Variants in PBK observed in about 807,000 individuals in gnomAD.
The protein encoded by PBK is lymphokine-activated killer T-cell-originated protein kinase.
Under a neutral mutation model 33.5 loss-of-function variants are expected in PBK, and 22 were observed. The ratio of observed to expected loss-of-function variants is 0.66; its 90% CI spans 0.47 to 0.94. The LOEUF is 0.94. Among genes scored for constraint, PBK ranks in the 40% least tolerant of loss-of-function variants. The probability of loss-of-function intolerance (pLI) is 0.00; values close to 1 mark genes in which losing one functional copy is unlikely to be tolerated. For synonymous variants in PBK, 129 were observed against 123.8 expected, an observed-to-expected ratio of 1.04 and a Z score of -0.28; for missense variants, 376 against 383.4, an observed-to-expected ratio of 0.98 and a Z score of 0.16.
intron 6 of PBK, among the ~76,000 whole-genome samples, chr8:27,815,387 G>A (rs1805790058): frequency 1.3e-5 from 2 of 152,184 alleles, no homozygotes; most frequent in African/African-American, 2.4e-5. Context: ...GATGAGTGGT[G>A]TCTCTATGGT....
chr8:27,815,951 C>G (rs536029249), intron 6 of PBK, among the ~76,000 whole-genome samples: 1 of 152,288 alleles, frequency 6.6e-6, no homozygotes, highest in South Asian at 2.1e-4. Context: ...TTGGTTGATA[C>G]AGAAACAGTT....
At chr8:27,827,562 AAC>A (rs1806049306) in intron 3 of PBK, among the ~76,000 whole-genome samples, 1 of 152,220 alleles carries the variant, frequency 6.6e-6, no homozygotes, top group Non-Finnish European at 1.5e-5. Context: ...AATTTAAAAA[AAC>A]ACTTTGTTGA....
At chr8:27,811,253 G>C in intron 6 of PBK, 119 bp from the exon 7 acceptor site, 1 of 812,366 alleles carries the variant, frequency 1.2e-6, no homozygotes, top group Non-Finnish European at 2.0e-6. Context: ...AGTGTAGCCA[G>C]AAAATGTAAA....
At chr8:27,813,307 G>C (rs1272634056) in intron 6 of PBK, among the ~76,000 whole-genome samples, 1 of 152,104 alleles carries the variant, frequency 6.6e-6, no homozygotes, top group Non-Finnish European at 1.5e-5. Flanking sequence ...ATCACACCCT[G>C]GGGCCTGTCA....
chr8:27,821,496 G>C lies in PBK; in HGVS notation c.466-802C>G, dbSNP rs138651537. On this transcript the variant is annotated intron_variant, in intron 5 of 7. Transcript: ENST00000301905. ...AGGCTGATCTCAAATTCCTGCCCTC[G>C]TGATCTGCCTGCCTTGGCCTCCCAA... is the stretch of plus-strand genomic sequence containing the variant. Among the ~76,000 whole-genome samples, 1,148 of 152,146 alleles carry C rather than the reference G, an allele frequency of 7.5e-3. 12 individuals are homozygous for C. The highest frequency in any genetic ancestry group is 0.026 in the African/African-American group (1,069 of 41,518).
intron 5 of PBK, among the ~76,000 whole-genome samples, chr8:27,821,917 T>G (rs1805936965): frequency 1.3e-5 from 2 of 152,196 alleles, no homozygotes; most frequent in African/African-American, 4.8e-5. Context: ...TTTGATATGT[T>G]TAGTCACACA....
chr8:27,832,197 G>A (rs10097519), intron 2 of PBK, among the ~76,000 whole-genome samples: 23,927 of 151,976 alleles, frequency 0.16, 2,393 homozygotes, highest in East Asian at 0.37. Flanking sequence ...TTACCACATT[G>A]AGAGATTTTA....
rs1012136421 is a variant in PBK at position 27,818,068 on chromosome 8, A to G, written c.595+2497T>C. Among the ~76,000 whole-genome samples the G allele has an allele frequency of 1.8e-4, 27 of 152,182 alleles. 1 individual carries two copies. The highest frequency in any genetic ancestry group is 1.7e-3 in the Admixed American group (26 of 15,284). On this transcript the variant is annotated intron_variant, in intron 6 of 7. Coordinates refer to ENST00000301905, the MANE Select transcript of PBK (RefSeq NM_018492.4). ...ACTCCAATGCTTTTTCACCCTCCCC[A>G]TAATGGTGGCCATGTTCCATATAGT...
chr8:27,836,531 G>T (rs1405115345), intron 1 of PBK, among the ~76,000 whole-genome samples: 1 of 151,870 alleles, frequency 6.6e-6, no homozygotes, highest in Non-Finnish European at 1.5e-5. Context: ...AGATCATCTA[G>T]GGAGTAACTG....
intron 3 of PBK, among the ~76,000 whole-genome samples, chr8:27,826,384 A>G (rs1806024109): frequency 6.6e-6 from 1 of 152,218 alleles, no homozygotes; most frequent in African/African-American, 2.4e-5. Context: ...AAATCAAGAA[A>G]TAATAAGACA....
intron 1 of PBK, among the ~76,000 whole-genome samples, chr8:27,834,750 G>T (rs1806195945): frequency 6.6e-6 from 1 of 152,080 alleles, no homozygotes; most frequent in Non-Finnish European, 1.5e-5. Context: ...AAAAAAATTA[G>T]CCAGGTGTGG....
rs370221383 is a variant in PBK at position 27,817,251 on chromosome 8, C to G, written c.595+3314G>C. 2.2e-4 allele frequency among the ~76,000 whole-genome samples: 34 copies of G among 152,122 alleles called. 1 individual carries two copies. In the South Asian group the frequency reaches 2.7e-3, roughly 12 times the overall value. ...ATGAAAAGTATCTATTGAAAATACT[C>G]TCATATGTAACCTTCAGCATAAACC... On this transcript the variant is annotated intron_variant, in intron 6 of 7. Transcript: ENST00000301905.
intron 3 of PBK, among the ~76,000 whole-genome samples, chr8:27,823,646 A>G (rs535657464): frequency 6.6e-6 from 1 of 152,176 alleles, no homozygotes; most frequent in African/African-American, 2.4e-5. Context: ...CATCATCCAA[A>G]GAACAGCATG....
intron 5 of PBK, among the ~76,000 whole-genome samples, chr8:27,821,310 T>C (rs1470200601): frequency 6.6e-6 from 1 of 152,218 alleles, no homozygotes; most frequent in Admixed American, 6.5e-5. Flanking sequence ...TTGCCCAGGC[T>C]GGAGTGCAGT....
intron 3 of PBK, among the ~76,000 whole-genome samples, chr8:27,824,347 G>T (rs977867847): frequency 6.6e-6 from 1 of 151,904 alleles, no homozygotes; most frequent in Non-Finnish European, 1.5e-5. Flanking sequence ...AATAAGAATA[G>T]ATTTATGAAA....
intron 4 of PBK, among the ~76,000 whole-genome samples, chr8:27,822,768 G>A (rs1805954553): frequency 6.6e-6 from 1 of 151,906 alleles, no homozygotes; most frequent in African/African-American, 2.4e-5. Flanking sequence ...TGAAATCCAG[G>A]AAATTACCTA....
At chr8:27,814,155 G>C (rs1484281182) in intron 6 of PBK, among the ~76,000 whole-genome samples, 1 of 152,044 alleles carries the variant, frequency 6.6e-6, no homozygotes, top group Non-Finnish European at 1.5e-5. Flanking sequence ...TTGGATATTT[G>C]GTAGAAATCA....
chr8:27,816,343 C>CTATATATATATATATATATATATA (rs767822258), intron 6 of PBK, among the ~76,000 whole-genome samples: 6 of 136,370 alleles, frequency 4.4e-5, no homozygotes, highest in South Asian at 4.6e-4. Context: ...TCATCGAATA[C>CTATATATATATATATATATATATA]TATATATATA....
At chr8:27,830,557 C>A (rs549727187) in intron 2 of PBK, among the ~76,000 whole-genome samples, 1 of 152,270 alleles carries the variant, frequency 6.6e-6, no homozygotes, top group African/African-American at 2.4e-5. Context: ...CAGAGCTGTC[C>A]AATACATCAT....
Sources: allele counts gnomAD v4.1 joint callset (sites outside exome capture counted in the v4.1 genomes callset), GRCh38; gene constraint gnomAD v4.1.1; transcripts MANE v1.5; gene names NCBI Gene and HGNC (gene_info 2026-07-23, HGNC 2026-07-21).